The following ANK1 variants were observed in gnomAD, a reference collection of about 807,000 sequenced individuals.
The protein encoded by ANK1 is ankyrin 1, also known as ankyrin-1.
In ANK1, 51 loss-of-function variants were observed where a neutral mutation model predicts 210.4. The observed-to-expected ratio is 0.24, with a 90% CI of 0.19 to 0.31. The LOEUF (loss-of-function observed/expected upper bound fraction) is 0.31. Ranked by LOEUF, ANK1 falls within the 10% of genes least tolerant of loss-of-function variation. ANK1 has a pLI of 1.00. For missense variants in ANK1, 2,051 were observed against 2,504.4 expected (o/e 0.82, Z 3.86); for synonymous variants, 967 against 1,025.9 (o/e 0.94, Z 1.10).
intron 1 of ANK1, among the ~76,000 whole-genome samples, chr8:41,777,730 A>G (rs1844397628): frequency 6.6e-6 from 1 of 152,230 alleles, no homozygotes; most frequent in Non-Finnish European, 1.5e-5. Flanking sequence ...ATCAGTGCTG[A>G]AGTCCACTTT....
chr8:41,861,636 T>C (rs1183622186), intron 1 of ANK1, among the ~76,000 whole-genome samples: 1 of 152,206 alleles, frequency 6.6e-6, no homozygotes. Flanking sequence ...CTCTGTGCTC[T>C]GGGACTGAGC....
chr8:41,727,134 G>A (rs1830914118), intron 5 of ANK1, 116 bp downstream of exon 5: 11 of 790,030 alleles, frequency 1.4e-5, no homozygotes, highest in Non-Finnish European at 2.5e-5. Flanking sequence ...CGACCTGAAG[G>A]TCATCCATCA....
intron 39 of ANK1, among the ~76,000 whole-genome samples, chr8:41,666,753 C>A (rs570270167): frequency 1.8e-4 from 28 of 152,374 alleles, no homozygotes; most frequent in Admixed American, 7.2e-4. Flanking sequence ...GCCCTCTGAT[C>A]GGCGTCTCCA....
chr8:41,875,180 T>C (rs546912790), intron 1 of ANK1, among the ~76,000 whole-genome samples: 7 of 152,282 alleles, frequency 4.6e-5, no homozygotes, highest in African/African-American at 1.4e-4. Context: ...TTCCTCCAAG[T>C]CCTGGTCACC....
intron 2 of ANK1, among the ~76,000 whole-genome samples, chr8:41,753,715 C>T (rs1167958668): frequency 6.6e-6 from 1 of 152,080 alleles, no homozygotes; most frequent in African/African-American, 2.4e-5. Context: ...CCATAGTTCC[C>T]AGTGTCTCCT....
chr8:41,695,413 C>T lies in ANK1; in HGVS notation c.2961-82G>A, dbSNP rs144180883. On this transcript the variant is annotated intron_variant, in intron 26 of 42. Coordinates refer to ENST00000289734, the MANE Select transcript of ANK1 (RefSeq NM_000037.4). The stretch of plus-strand genomic sequence containing the variant: ...AGGGAGGGATGGGGCTGCCGGCTCC[C>T]ACCCAGATGGATAAGGCACTTCCGC... 4,075 of 1,594,224 alleles carry T rather than the reference C, an allele frequency of 2.6e-3. 7 individuals carry two copies. The highest frequency in any genetic ancestry group is 3.6e-3 in the Middle Eastern group (18 of 4,994).
chr8:41,712,372 G>T (rs1826391482), intron 16 of ANK1, among the ~76,000 whole-genome samples: 2 of 152,260 alleles, frequency 1.3e-5, no homozygotes, highest in Admixed American at 1.3e-4. Context: ...CCAAGGGTAG[G>T]CCTGCCCTGG....
intron 40 of ANK1, among the ~76,000 whole-genome samples, chr8:41,663,100 C>CTA (rs1563336097): frequency 2.6e-5 from 3 of 116,498 alleles, no homozygotes; most frequent in African/African-American, 1.0e-4. Flanking sequence ...GTGTGTGTGT[C>CTA]TCTCTCTCTC....
chr8:41,684,627 C>T lies in ANK1; in HGVS notation c.4454G>A (p.Gly1485Asp), dbSNP rs1452485406. The T allele has an allele frequency of 6.2e-7, 1 of 1,613,900 alleles. No homozygotes were observed. The highest frequency in any genetic ancestry group is 8.5e-7 in the Non-Finnish European group (1 of 1,180,016). Residue 1485 changes from glycine (G) to aspartate (D), a missense_variant, in exon 37 of 43, where the codon GGT (glycine) becomes GAT (aspartate). By Grantham distance (94) the Gly-to-Asp change is moderately conservative. Transcript: ENST00000289734. Reference sequence around the variant, plus strand: ...CAAGTTGCGGCTCTGTCGGCCGGAACCCTCCAGCATGTTCACGATCTCGCC... The same window carrying T: ...CAAGTTGCGGCTCTGTCGGCCGGAATCCTCCAGCATGTTCACGATCTCGCC... ...DRGEIVNMLEGSGRQSRNLKP... is the reference protein window; with the variant it reads ...DRGEIVNMLEDSGRQSRNLKP...
intron 1 of ANK1, among the ~76,000 whole-genome samples, chr8:41,857,610 T>A (rs752192113): frequency 3.2e-4 from 49 of 151,936 alleles, no homozygotes; most frequent in Non-Finnish European, 6.5e-4. Flanking sequence ...TGGTGGCACA[T>A]GCCTGTAATC....
chr8:41,695,192 T>A lies in ANK1; in HGVS notation c.3100A>T (p.Asn1034Tyr). 6.2e-7 allele frequency: 1 copy of A among 1,614,130 alleles called. No individual in the cohort carries two copies. The highest frequency in any genetic ancestry group is 1.1e-5 in the South Asian group (1 of 91,076). Residue 1034 changes from asparagine (N) to tyrosine (Y), a missense_variant, in exon 27 of 43, where the codon AAC (asparagine) becomes TAC (tyrosine). Around this residue, in one of 6 missense-constraint regions of ANK1, gnomAD observed 1,413 missense variants for 1,707.4 expected, o/e 0.83. Coordinates refer to ENST00000289734, the MANE Select transcript of ANK1 (RefSeq NM_000037.4). ...YGESYLDQIL[N>Y]GMDEELGSLE... is the part of the protein sequence containing the mutation. ...CCGCCCCTACCTTCGTCCATCCCGT[T>A]GAGGATCTGATCCAGGTAGCTCTCT...
chr8:41,679,910 T>G (rs2150572371), intron 37 of ANK1, among the ~76,000 whole-genome samples: 1 of 152,256 alleles, frequency 6.6e-6, no homozygotes, highest in South Asian at 2.1e-4. Context: ...AGGGCTCACT[T>G]CATTTATTTC....
intron 1 of ANK1, among the ~76,000 whole-genome samples, chr8:41,811,651 C>T (rs146518180): frequency 6.6e-6 from 1 of 152,194 alleles, no homozygotes; most frequent in African/African-American, 2.4e-5. Flanking sequence ...GCTGCAGAGA[C>T]CAGAGCACGG....
In ANK1 at chr8:41,688,576, T is replaced by A. The variant is rs778679492; in HGVS notation, c.4118A>T (p.Glu1373Val). The A allele has an allele frequency of 8.1e-6, 13 of 1,614,170 alleles. No individual in the cohort carries two copies. The South Asian group carries it at 1.4e-4, about 18-fold the overall frequency. ...MPPCAKGSGA[E>V]DRRRTPTPLA... Reference sequence around the variant, plus strand: ...GGGCGTCGGGGTCCTTCTCCTATCTTCGGCTCCACTTCCCTGCAGAAGAAG... The same window carrying A: ...GGGCGTCGGGGTCCTTCTCCTATCTACGGCTCCACTTCCCTGCAGAAGAAG... Residue 1373 changes from glutamate (E) to valine (V), a missense_variant, in exon 34 of 43, where the codon GAA becomes GTA. Coordinates refer to ENST00000289734, the MANE Select transcript of ANK1 (RefSeq NM_000037.4).
At chr8:41,724,079 C>T (rs1830066926) in intron 7 of ANK1, among the ~76,000 whole-genome samples, 1 of 152,040 alleles carries the variant, frequency 6.6e-6, no homozygotes, top group Non-Finnish European at 1.5e-5. Context: ...TGAGCCACCG[C>T]GCCCGGCCTA....
intron 1 of ANK1, among the ~76,000 whole-genome samples, chr8:41,877,486 C>T (rs528452588): frequency 1.3e-5 from 2 of 152,324 alleles, no homozygotes; most frequent in African/African-American, 2.4e-5. Flanking sequence ...ACTGTGGTGC[C>T]GATCCATTAT....
At chr8:41,785,477 C>T (rs1446222247) in intron 1 of ANK1, among the ~76,000 whole-genome samples, 6 of 152,208 alleles carry the variant, frequency 3.9e-5, no homozygotes, top group East Asian at 1.9e-4. Context: ...TGTCTAGCTA[C>T]GGAGAGGTGA....
chr8:41,798,916 G>A (rs1300841590), upstream of ANK1, among the ~76,000 whole-genome samples: 1 of 152,122 alleles, frequency 6.6e-6, no homozygotes, highest in Non-Finnish European at 1.5e-5. Flanking sequence ...GCACCAAACT[G>A]GCCTTGCCAT....
intron 26 of ANK1, among the ~76,000 whole-genome samples, chr8:41,696,028 C>G (rs1185915858): frequency 6.6e-6 from 1 of 152,242 alleles, no homozygotes; most frequent in African/African-American, 2.4e-5. Context: ...TAGTGTCACA[C>G]AATATTTAAG....
Sources: gnomAD v4.1 joint callset for allele counts (sites outside exome capture counted in the v4.1 genomes callset) on GRCh38, gnomAD v4.1.1 for gene constraint, gnomAD v4.1.1 regional missense constraint, MANE v1.5 for transcripts, NCBI Gene and HGNC (gene_info 2026-07-23, HGNC 2026-07-21) for gene names.